The following MACF1 variants were observed in gnomAD, a reference collection of about 807,000 sequenced individuals.
The protein encoded by MACF1 is microtubule actin crosslinking factor 1, also known as microtubule-actin cross-linking factor 1.
A neutral mutation model predicts 854.8 loss-of-function variants in MACF1; 193 were observed. That is an observed-to-expected ratio of 0.23 (90% CI 0.20 to 0.25). The LOEUF (loss-of-function observed/expected upper bound fraction) is 0.25, where lower values mean the gene tolerates loss of function less well. MACF1 is among the 10% of genes least tolerant of loss of function. The pLI, the probability that MACF1 is intolerant of heterozygous loss-of-function variation, is 1.00. For missense variants in MACF1, 7,722 were observed against 8,929.1 expected, an observed-to-expected ratio of 0.86 and a Z score of 5.45; for synonymous variants, 3,185 against 3,226.7, an observed-to-expected ratio of 0.99 and a Z score of 0.44.
chr1:39,232,155 A>G (rs944482311), intron 2 of MACF1, among the ~76,000 whole-genome samples: 3 of 149,242 alleles, frequency 2.0e-5, no homozygotes, highest in Non-Finnish European at 4.4e-5. Flanking sequence ...TTATGGTATT[A>G]TTATTTTAAA....
chr1:39,424,844 G>A (rs890897000), intron 61 of MACF1, among the ~76,000 whole-genome samples: 7 of 152,138 alleles, frequency 4.6e-5, no homozygotes, highest in African/African-American at 1.7e-4. Context: ...ACCAGCTAAT[G>A]AGAAATCAAT....
At chr1:39,357,939 C>G in intron 45 of MACF1, 46 bp downstream of exon 45, 1 of 1,555,812 alleles carries the variant, frequency 6.4e-7, no homozygotes, top group Non-Finnish European at 8.7e-7. Flanking sequence ...ATCATGGCAG[C>G]CTTCACACAA....
intron 96 of MACF1, 24 bp downstream of exon 96, chr1:39,468,756 A>G (rs1318742829): frequency 1.3e-6 from 2 of 1,587,852 alleles, no homozygotes; most frequent in Non-Finnish European, 1.7e-6. Context: ...CTAAGCATGA[A>G]TTACGTGTTA....
chr1:39,466,358 TG>T (rs1180668938), intron 95 of MACF1, among the ~76,000 whole-genome samples: 2 of 152,218 alleles, frequency 1.3e-5, no homozygotes, highest in African/African-American at 4.8e-5. Flanking sequence ...CACTGGCTGC[TG>T]GCTTGGTCAA....
At chr1:39,120,015 C>G (rs539150552) in intron 2 of MACF1, among the ~76,000 whole-genome samples, 1 of 151,442 alleles carries the variant, frequency 6.6e-6, no homozygotes, top group African/African-American at 2.4e-5. Flanking sequence ...TCCTGAGTAG[C>G]TGGGATTACA....
chr1:39,435,529 C>T (rs745537251), intron 69 of MACF1, 29 bp from the exon 70 acceptor site: 17 of 1,547,842 alleles, frequency 1.1e-5, no homozygotes, highest in Non-Finnish European at 1.5e-5. Context: ...TAAAAGTACT[C>T]ATTATGGTTT....
At chr1:39,375,781 A>C (rs998039717) in intron 52 of MACF1, among the ~76,000 whole-genome samples, 3 of 152,278 alleles carry the variant, frequency 2.0e-5, no homozygotes, top group Admixed American at 6.5e-5. Context: ...TTATTGTTTC[A>C]AAGTTAAATC....
intron 6 of MACF1, 100 bp from the exon 7 acceptor site, chr1:39,282,108 G>T: frequency 8.0e-7 from 1 of 1,248,634 alleles, no homozygotes; most frequent in Non-Finnish European, 1.1e-6. Context: ...TTCCAGCCTT[G>T]GACCTTCGTT....
At position 39,332,625 on chromosome 1, in the gene MACF1, CA is replaced by C. The variant is rs1469380275; in HGVS notation, c.6043del (p.Thr2015LeufsTer11). 2 of 1,613,464 alleles carry C rather than the reference CA, an allele frequency of 1.2e-6. No individual in the cohort carries two copies. Among genetic ancestry groups the C allele is most frequent in the Non-Finnish European group, 1.7e-6 (2 of 1,179,862 alleles). On this transcript the variant is annotated frameshift_variant, in exon 37 of 101. Transcript: ENST00000564288. LOFTEE classifies it high-confidence loss of function. ...PKVVEIGHQR[Q>X]KTPEGLQESA... Reference sequence around the variant, plus strand: ...AGTGGTTGAAATTGGGCATCAAAGGCAAAAAACTCCTGAGGGATTGCAAGAA... The same window carrying C: ...AGTGGTTGAAATTGGGCATCAAAGGCAAAAACTCCTGAGGGATTGCAAGAA...
rs1646456065 is a variant in MACF1 at position 39,318,543 on chromosome 1, C to T, written c.3873C>T (p.Ala1291=). 3 of 1,613,828 alleles carry T rather than the reference C, an allele frequency of 1.9e-6. No individual in the cohort carries two copies. ...TLIKWIEETT[A]QQEMMKPGQA... ...TCAAGTGGATTGAGGAAACCACTGC[C>T]CAGCAGGAAATGATGAAGCCAGGCC... Residue 1291 remains alanine, a synonymous_variant, in exon 30 of 101, where the codon GCC becomes GCT. Coordinates refer to ENST00000564288, the MANE Select transcript of MACF1 (RefSeq NM_001394062.1).
At chr1:39,423,943 T>A in intron 60 of MACF1, 85 bp from the exon 61 acceptor site, 9 of 1,167,628 alleles carry the variant, frequency 7.7e-6, no homozygotes, top group South Asian at 1.7e-5. Context: ...ATTTGGCGGG[T>A]TGGTTTCTTT....
At chr1:39,299,632 A>G (rs1330275975) in intron 21 of MACF1, among the ~76,000 whole-genome samples, 3 of 152,230 alleles carry the variant, frequency 2.0e-5, no homozygotes, top group Non-Finnish European at 2.9e-5. Context: ...ATCATTTGTC[A>G]TGATACCTTC....
In MACF1 at chr1:39,443,494, A is replaced by C; in HGVS notation, c.19351A>C (p.Arg6451=). The change falls in exon 79 of 101, where the codon AGA becomes CGA. Residue 6451 remains arginine (R), a synonymous_variant. Transcript: ENST00000564288. ...EIEDFLLELT[R]MESQLSASKP... ...TGAAGATTTCCTCTTGGAACTTACT[A>C]GAATGGAGAGCCAGCTTTCTGCATC... is the stretch of plus-strand genomic sequence containing the variant. 6.2e-7 allele frequency: 1 copy of C among 1,613,930 alleles called. No individual in the cohort carries two copies. The highest frequency in any genetic ancestry group is 8.5e-7 in the Non-Finnish European group (1 of 1,179,932).
intron 2 of MACF1, among the ~76,000 whole-genome samples, chr1:39,142,818 A>G (rs1643373348): frequency 6.6e-6 from 1 of 152,100 alleles, no homozygotes; most frequent in African/African-American, 2.4e-5. Context: ...CCAGGTTACC[A>G]CCTGGAGCAC....
chr1:39,444,425 T>TA (rs1644183415), intron 79 of MACF1, among the ~76,000 whole-genome samples: 2 of 152,236 alleles, frequency 1.3e-5, no homozygotes, highest in African/African-American at 2.4e-5. Flanking sequence ...TGTTAATACT[T>TA]ACATTTTAAT....
chr1:39,095,262 C>T (rs1641907154), intron 2 of MACF1, among the ~76,000 whole-genome samples: 1 of 151,904 alleles, frequency 6.6e-6, no homozygotes. Flanking sequence ...TGATTATAGT[C>T]AGAAATGTGG....
At chr1:39,294,733 G>A (rs1044578831) in intron 18 of MACF1, among the ~76,000 whole-genome samples, 4 of 152,186 alleles carry the variant, frequency 2.6e-5, no homozygotes, top group Admixed American at 2.6e-4. Context: ...TCATGTACTG[G>A]TGTGGGTACT....
intron 97 of MACF1, among the ~76,000 whole-genome samples, chr1:39,475,667 A>G (rs887151487): frequency 1.3e-5 from 2 of 152,126 alleles, no homozygotes; most frequent in Non-Finnish European, 2.9e-5. Flanking sequence ...TAGAATCAAT[A>G]GACTGAACTG....
At chr1:39,477,155 G>C (rs78486180) in intron 97 of MACF1, among the ~76,000 whole-genome samples, 4,205 of 36,954 alleles carry the variant, frequency 0.11, 376 homozygotes, top group African/African-American at 0.28. Flanking sequence ...CACACACACA[G>C]ATGTGCAAAG....
Sources: gnomAD v4.1 joint callset for allele counts (sites outside exome capture counted in the v4.1 genomes callset) on GRCh38, gnomAD v4.1.1 for gene constraint, MANE v1.5 for transcripts, NCBI Gene and HGNC (gene_info 2026-07-23, HGNC 2026-07-21) for gene names.